Variants in ARFGEF2 observed in about 807,000 individuals in gnomAD.
ARFGEF2 encodes brefeldin A-inhibited guanine nucleotide-exchange protein 2.
In ARFGEF2, 74 loss-of-function variants were observed where a neutral mutation model predicts 219.9. The ratio of observed to expected loss-of-function variants is 0.34; its 90% CI spans 0.28 to 0.41. ARFGEF2 has a LOEUF of 0.41. Among genes scored for constraint, ARFGEF2 ranks in the 10% least tolerant of loss-of-function variants. The probability of loss-of-function intolerance (pLI) is 1.00; values close to 1 mark genes in which losing one functional copy is unlikely to be tolerated. For missense variants in ARFGEF2, 1,743 were observed against 2,218.3 expected, an observed-to-expected ratio of 0.79 and a Z score of 4.30; for synonymous variants, 733 against 799.2, an observed-to-expected ratio of 0.92 and a Z score of 1.40.
intron 13 of ARFGEF2, 46 bp downstream of exon 13, chr20:48,974,920 C>G: frequency 6.8e-7 from 1 of 1,470,812 alleles, no homozygotes. Flanking sequence ...ATAATAGGCT[C>G]CTACGACTGC....
intron 7 of ARFGEF2, among the ~76,000 whole-genome samples, chr20:48,964,404 CA>C (rs1261023398): frequency 6.6e-6 from 1 of 151,648 alleles, no homozygotes; most frequent in Admixed American, 6.6e-5. Flanking sequence ...GACTCCATCT[CA>C]AAAAAAAGAC....
In ARFGEF2 at chr20:48,975,494, T is replaced by C. The variant is rs1006054547; in HGVS notation, c.1775-522T>C. On this transcript the variant is annotated intron_variant, in intron 13 of 38. Transcript: ENST00000371917. ...TTTTTTTGCCTTTTTTACTCTTTCA[T>C]GTGAATTTTAGAATTAGCTCATCAA... Among the ~76,000 whole-genome samples the C allele has an allele frequency of 4.6e-5, 7 of 152,298 alleles. 1 individual carries two copies. The highest frequency in any genetic ancestry group is 1.3e-4 in the Admixed American group (2 of 15,290).
chr20:49,003,913 A>G (rs1289887222), intron 25 of ARFGEF2, among the ~76,000 whole-genome samples: 3 of 152,198 alleles, frequency 2.0e-5, no homozygotes, highest in Admixed American at 1.3e-4. Flanking sequence ...TTTATTTTAT[A>G]GTCATTTGCT....
At chr20:49,007,338 G>T (rs1208723966) in intron 26 of ARFGEF2, among the ~76,000 whole-genome samples, 1 of 143,282 alleles carries the variant, frequency 7.0e-6, no homozygotes, top group Non-Finnish European at 1.5e-5. Context: ...TGCCGAGGCT[G>T]GAGTGTAATG....
chr20:48,965,327 A>T (rs749199189), intron 7 of ARFGEF2, among the ~76,000 whole-genome samples: 3 of 152,064 alleles, frequency 2.0e-5, no homozygotes, highest in Non-Finnish European at 4.4e-5. Context: ...CACATTATAA[A>T]TTTTTCTTAG....
rs2091664767 is a variant in ARFGEF2 at position 49,036,061 on chromosome 20, G to A, written c.*2862G>A. On this transcript the variant is annotated 3_prime_UTR_variant, in exon 39 of 39. Transcript: ENST00000371917. ...TAAGGATATACATTTAGTAGTCTTT[G>A]TTATTAAAGGAACCTGCTGATAAGT... The A allele has an allele frequency of 7.6e-6, 3 of 395,334 alleles. 1 individual carries two copies. In the South Asian group the frequency reaches 4.0e-4, roughly 52 times the overall value. 24.5% of individuals were successfully genotyped at this position (395,334 alleles called of 1,614,324 possible).
At chr20:48,986,014 G>A (rs1568722204) in intron 16 of ARFGEF2, among the ~76,000 whole-genome samples, 1 of 152,172 alleles carries the variant, frequency 6.6e-6, no homozygotes, top group Non-Finnish European at 1.5e-5. Context: ...ATACTGATGA[G>A]CAGGTTACAG....
intron 3 of ARFGEF2, among the ~76,000 whole-genome samples, chr20:48,950,810 AAATATATATAT>A (rs1333468338): frequency 9.7e-5 from 4 of 41,108 alleles, no homozygotes; most frequent in South Asian, 7.5e-4. Context: ...AAAAAAAAAA[AAATATATATAT>A]ATATATATAT....
At chr20:48,999,343 C>A in intron 25 of ARFGEF2, 1 of 379,318 alleles carries the variant, frequency 2.6e-6, no homozygotes, top group South Asian at 2.0e-5. Flanking sequence ...ACTTCTTCCT[C>A]GTTACCAGAA....
At chr20:48,952,646 A>G in intron 4 of ARFGEF2, 59 bp from the exon 5 acceptor site, 2 of 1,549,660 alleles carry the variant, frequency 1.3e-6, no homozygotes, top group Non-Finnish European at 1.8e-6. Context: ...GTGTGGCCAT[A>G]GGAGGGCAGG....
At chr20:48,952,644 A>T in intron 4 of ARFGEF2, 61 bp from the exon 5 acceptor site, 5 of 1,544,224 alleles carry the variant, frequency 3.2e-6, no homozygotes, top group Non-Finnish European at 4.5e-6. Flanking sequence ...AAGTGTGGCC[A>T]TAGGAGGGCA....
chr20:49,005,737 CAAAAAAA>C (rs56730863), intron 26 of ARFGEF2, among the ~76,000 whole-genome samples: 4 of 62,220 alleles, frequency 6.4e-5, no homozygotes, highest in South Asian at 5.4e-4. Context: ...GACTCCGTCT[CAAAAAAA>C]AAAAAAAAAA....
chr20:48,931,327 G>A (rs553535139), intron 1 of ARFGEF2, among the ~76,000 whole-genome samples: 1 of 152,244 alleles, frequency 6.6e-6, no homozygotes, highest in Admixed American at 6.5e-5. Context: ...AGAAAGGACA[G>A]TGTTTCATTT....
At chr20:48,948,123 T>C (rs1360770200) in intron 3 of ARFGEF2, among the ~76,000 whole-genome samples, 1 of 152,234 alleles carries the variant, frequency 6.6e-6, no homozygotes, top group Non-Finnish European at 1.5e-5. Flanking sequence ...CTACAGTCTC[T>C]GTTAAAAGGT....
At chr20:49,024,114 G>A (rs2091585897) in intron 35 of ARFGEF2, among the ~76,000 whole-genome samples, 1 of 152,150 alleles carries the variant, frequency 6.6e-6, no homozygotes, top group Non-Finnish European at 1.5e-5. Flanking sequence ...TGGGACTACA[G>A]GCACATGCCG....
At chr20:48,957,102 T>G (rs186497705) in intron 6 of ARFGEF2, among the ~76,000 whole-genome samples, 251 of 152,326 alleles carry the variant, frequency 1.6e-3, no homozygotes, top group Admixed American at 4.7e-3. Flanking sequence ...GGTCATCTTA[T>G]GGCTCAGGAT....
chr20:48,989,519 A>G (rs376868638), intron 19 of ARFGEF2, 37 bp from the exon 20 acceptor site: 120 of 1,614,120 alleles, frequency 7.4e-5, no homozygotes, highest in Admixed American at 1.0e-4. Context: ...TCCACGCTAA[A>G]ACTCTGGATG....
At chr20:49,026,997 A>G (rs1476804486) in intron 36 of ARFGEF2, among the ~76,000 whole-genome samples, 1 of 152,174 alleles carries the variant, frequency 6.6e-6, no homozygotes, top group Non-Finnish European at 1.5e-5. Context: ...TGCCTGTAAT[A>G]AGATTTTGTT....
chr20:48,985,790 G>A (rs931253587), intron 16 of ARFGEF2, among the ~76,000 whole-genome samples, 177 bp downstream of exon 16: 3 of 152,192 alleles, frequency 2.0e-5, no homozygotes, highest in African/African-American at 7.2e-5. Flanking sequence ...ACAGCAACCT[G>A]TTTATGTCCC....
Sources: gnomAD v4.1 joint callset for allele counts (sites outside exome capture counted in the v4.1 genomes callset) on GRCh38, gnomAD v4.1.1 for gene constraint, MANE v1.5 for transcripts, NCBI Gene and HGNC (gene_info 2026-07-23, HGNC 2026-07-21) for gene names.